Variants in MPPED2 observed in about 807,000 individuals in gnomAD.
MPPED2 encodes the protein metallophosphoesterase MPPED2.
MPPED2 carries 5 observed loss-of-function variants against 33.0 expected under a neutral mutation model. The observed-to-expected ratio is 0.15, with a 90% CI of 0.08 to 0.32. The LOEUF is 0.32. MPPED2 is among the 10% of genes least tolerant of loss of function. The probability of loss-of-function intolerance (pLI) is 1.00; values close to 1 mark genes in which losing one functional copy is unlikely to be tolerated. For synonymous variants in MPPED2, 136 were observed against 141.9 expected (o/e 0.96, Z 0.29); for missense variants, 275 against 372.1 (o/e 0.74, Z 2.15).
chr11:30,411,317 T>C lies in MPPED2; in HGVS notation c.*151A>G. ...ATGCCCCATTTAAAATAAAATAAAA[T>C]AAGAAGCACAACCTCTAGCATCATT... On this transcript the variant is annotated 3_prime_UTR_variant, in exon 7 of 7. Transcript: ENST00000358117. 7.8e-7 allele frequency: 1 copy of C among 1,274,772 alleles called. No homozygotes were observed. Among genetic ancestry groups the C allele is most frequent in the Non-Finnish European group, 1.0e-6 (1 of 1,001,512 alleles). 79.0% of individuals were successfully genotyped at this position (1,274,772 alleles called of 1,614,324 possible).
intron 2 of MPPED2, among the ~76,000 whole-genome samples, chr11:30,538,567 T>A (rs1350026678): frequency 6.6e-6 from 1 of 152,110 alleles, no homozygotes; most frequent in Non-Finnish European, 1.5e-5. Context: ...ACCTCCCACC[T>A]CCTTCAGAGA....
chr11:30,562,405 T>G (rs1956274225), intron 2 of MPPED2, among the ~76,000 whole-genome samples: 1 of 152,178 alleles, frequency 6.6e-6, no homozygotes, highest in Non-Finnish European at 1.5e-5. Flanking sequence ...CTGCTCCTGT[T>G]TATTTTAAAC....
intron 3 of MPPED2, among the ~76,000 whole-genome samples, chr11:30,503,387 C>T (rs144366797): frequency 1.3e-5 from 2 of 152,200 alleles, no homozygotes; most frequent in African/African-American, 2.4e-5. Context: ...TACAGCCTGC[C>T]AACTTTCAGA....
intron 5 of MPPED2, among the ~76,000 whole-genome samples, chr11:30,416,143 G>T (rs973357098): frequency 6.6e-6 from 1 of 152,280 alleles, no homozygotes; most frequent in Non-Finnish European, 1.5e-5. Flanking sequence ...ATGGGTTGAG[G>T]TGGTCTGGGG....
intron 3 of MPPED2, among the ~76,000 whole-genome samples, chr11:30,505,269 T>A (rs1453516125): frequency 1.3e-5 from 2 of 152,150 alleles, no homozygotes; most frequent in Non-Finnish European, 2.9e-5. Flanking sequence ...CCAACACAAC[T>A]TTTTGTGACC....
At chr11:30,407,536 A>G (rs556460838), downstream of MPPED2, among the ~76,000 whole-genome samples, 1 of 152,184 alleles carries the variant, frequency 6.6e-6, no homozygotes, top group Non-Finnish European at 1.5e-5. Context: ...TCTCAGAAAC[A>G]ATACCGCTGC....
intron 2 of MPPED2, among the ~76,000 whole-genome samples, chr11:30,552,294 A>G (rs1247836723): frequency 6.6e-6 from 1 of 152,222 alleles, no homozygotes; most frequent in African/African-American, 2.4e-5. Flanking sequence ...CCGATCCACA[A>G]ACGGGAGTTT....
chr11:30,549,926 G>A (rs925158406), intron 2 of MPPED2, among the ~76,000 whole-genome samples: 2 of 152,144 alleles, frequency 1.3e-5, no homozygotes, highest in South Asian at 2.1e-4. Context: ...ATCTTTTGGG[G>A]AGGGGTGGCC....
chr11:30,529,105 C>T (rs1028199830), intron 3 of MPPED2, among the ~76,000 whole-genome samples: 14 of 152,092 alleles, frequency 9.2e-5, no homozygotes, highest in Non-Finnish European at 2.1e-4. Context: ...CAACAGAATG[C>T]TATGCTGACA....
intron 4 of MPPED2, among the ~76,000 whole-genome samples, chr11:30,479,430 C>A (rs1455658134): frequency 6.6e-6 from 1 of 152,092 alleles, no homozygotes; most frequent in East Asian, 1.9e-4. Context: ...TAATCTCTAG[C>A]AATTGAGAAG....
At chr11:30,458,301 C>T (rs528064553) in intron 4 of MPPED2, among the ~76,000 whole-genome samples, 4 of 152,160 alleles carry the variant, frequency 2.6e-5, no homozygotes, top group South Asian at 2.1e-4. Flanking sequence ...CATTTAAGTA[C>T]GAAGAAAGTG....
rs138003252 is a variant in MPPED2 at position 30,417,704 on chromosome 11, C to T, written c.537-71G>A. 2,191 of 861,436 alleles carry T rather than the reference C, an allele frequency of 2.5e-3. 5 individuals are homozygous for T. The highest frequency in any genetic ancestry group is 3.8e-3 in the Non-Finnish European group (1,936 of 511,754). 53.4% of individuals were successfully genotyped at this position (861,436 alleles called of 1,614,324 possible). On this transcript the variant is annotated intron_variant, in intron 4 of 6. Coordinates refer to ENST00000358117, the MANE Select transcript of MPPED2 (RefSeq NM_001584.3). ...GCTCCGCTCTGCAATATTTCTCTCT[C>T]GCACATTCCCCCACGGTTTGCATTG...
At chr11:30,584,233 G>A (rs764283293) in intron 1 of MPPED2, 2 of 152,216 alleles carry the variant, frequency 1.3e-5, no homozygotes, top group Non-Finnish European at 2.9e-5. Context: ...GTCTATATAA[G>A]GTGGGGCGGT....
At position 30,410,597 on chromosome 11, in the gene MPPED2, G is replaced by T. The variant is rs530951477; in HGVS notation, c.*871C>A. 9 of 985,786 alleles carry T rather than the reference G, an allele frequency of 9.1e-6. No individual in the cohort carries two copies. In the South Asian group the frequency reaches 2.8e-4, roughly 31 times the overall value. 61.1% of individuals were successfully genotyped at this position (985,786 alleles called of 1,614,324 possible). A position where few individuals can be genotyped will look rare whatever the true frequency, so the allele number is the denominator to read the frequency against. On this transcript the variant is annotated 3_prime_UTR_variant, in exon 7 of 7. Transcript: ENST00000358117. ...CTCTTTAAGACCTTGAGCTCTGAGA[G>T]AATGTGTCAGTTCCTTCCGACTTCT...
chr11:30,565,342 C>T (rs983965787), intron 2 of MPPED2, among the ~76,000 whole-genome samples: 2 of 152,048 alleles, frequency 1.3e-5, no homozygotes, highest in Non-Finnish European at 1.5e-5. Flanking sequence ...ATTTAAATTG[C>T]GCATGTGGAT....
intron 4 of MPPED2, among the ~76,000 whole-genome samples, chr11:30,443,696 A>G (rs1949682331): frequency 6.6e-6 from 1 of 152,224 alleles, no homozygotes; most frequent in Admixed American, 6.5e-5. Context: ...AGGTGGAGAT[A>G]ATAAATACTC....
intron 2 of MPPED2, among the ~76,000 whole-genome samples, chr11:30,550,030 C>T (rs1955623879): frequency 6.6e-6 from 1 of 152,106 alleles, no homozygotes; most frequent in Admixed American, 6.6e-5. Flanking sequence ...CCTATCAAGC[C>T]TTCAGATTTG....
chr11:30,564,112 C>T (rs1413209831), intron 2 of MPPED2, among the ~76,000 whole-genome samples: 2 of 152,164 alleles, frequency 1.3e-5, no homozygotes, highest in African/African-American at 2.4e-5. Flanking sequence ...CTCAAGATCT[C>T]ATGTTTATCT....
At chr11:30,572,465 G>A (rs1231413962) in intron 2 of MPPED2, among the ~76,000 whole-genome samples, 2 of 152,080 alleles carry the variant, frequency 1.3e-5, no homozygotes, top group East Asian at 1.9e-4. Context: ...AAAATATCCA[G>A]TGTTTATATA....
Sources: gnomAD v4.1 joint callset for allele counts (sites outside exome capture counted in the v4.1 genomes callset) on GRCh38, gnomAD v4.1.1 for gene constraint, MANE v1.5 for transcripts, NCBI Gene and HGNC (gene_info 2026-07-23, HGNC 2026-07-21) for gene names.